EIF4E3: variants seen among roughly 807,000 people sequenced by gnomAD.
EIF4E3 encodes the protein eukaryotic translation initiation factor 4E family member 3, also known as eukaryotic translation initiation factor 4E type 3.
EIF4E3 carries 26 observed loss-of-function variants against 31.7 expected under a neutral mutation model. That is an observed-to-expected ratio of 0.82 (90% CI 0.60 to 1.14). EIF4E3 has a LOEUF of 1.14. Among genes scored for constraint, EIF4E3 ranks in the 50% most tolerant of loss-of-function variants. EIF4E3 has a pLI of 0.00. For synonymous variants in EIF4E3, 128 were observed against 107.7 expected (o/e 1.19, Z -1.17); for missense variants, 304 against 270.9 (o/e 1.12, Z -0.86).
intron 6 of EIF4E3, among the ~76,000 whole-genome samples, chr3:71,688,796 G>A (rs1389920995): frequency 6.6e-6 from 1 of 152,076 alleles, no homozygotes; most frequent in Non-Finnish European, 1.5e-5. Context: ...TCTACACCAC[G>A]CAGCCAATAA....
intron 3 of EIF4E3, among the ~76,000 whole-genome samples, chr3:71,697,013 C>T (rs1404894042): frequency 2.7e-5 from 4 of 148,496 alleles, no homozygotes; most frequent in Admixed American, 1.3e-4. Flanking sequence ...CCACCGCACC[C>T]GGCCCCTGAA....
intron 2 of EIF4E3, among the ~76,000 whole-genome samples, chr3:71,700,612 T>A (rs1366670933): frequency 1.2e-4 from 15 of 127,336 alleles, no homozygotes; most frequent in African/African-American, 2.7e-4. Context: ...AGACTCCGTT[T>A]AAAAAAAAAA....
Position 71,710,414 on chromosome 3 carries a change from G to C in EIF4E3, c.247C>G (p.Gln83Glu). 6.4e-7 allele frequency: 1 copy of C among 1,552,040 alleles called. No homozygotes were observed. Among genetic ancestry groups the C allele is most frequent in the Non-Finnish European group, 8.7e-7 (1 of 1,147,048 alleles). The change falls in exon 2 of 7, where the codon CAG (glutamine) becomes GAG (glutamate). Residue 83 changes from glutamine to glutamate, a missense_variant and splice_region_variant. By Grantham distance (29) the Gln-to-Glu change is conservative. Transcript: ENST00000425534. ...GTTAGTCCCTCTCTTGATCTTACCT[G>C]TACTGTCTGTACTGTGTAGATTTTC... ...LKKIYTVQTV[Q>E]IFWSVYNNIP... is the part of the protein sequence containing the mutation.
intron 1 of EIF4E3, among the ~76,000 whole-genome samples, chr3:71,734,101 A>G (rs2049736514): frequency 6.6e-6 from 1 of 152,214 alleles, no homozygotes; most frequent in South Asian, 2.1e-4. Flanking sequence ...GTTACATATT[A>G]TCTACATAAT....
rs570334311 is a variant in EIF4E3, at chr3:71,719,340, A to C, written c.176+5852T>G. On this transcript the variant is annotated intron_variant, in intron 1 of 6. Transcript: ENST00000425534. ...TTTGGATTTCTATGGCATTTGTTACAAATCTACCTTTCACCACAGAGGTCT... is the reference window on the plus strand; with the variant it reads ...TTTGGATTTCTATGGCATTTGTTACCAATCTACCTTTCACCACAGAGGTCT... Among the ~76,000 whole-genome samples, 4 of 152,312 alleles carry C rather than the reference A, an allele frequency of 2.6e-5. No homozygotes were observed. In the South Asian group the frequency reaches 8.3e-4, roughly 32 times the overall value.
At chr3:71,662,429 T>G in the EIF4E3 span, among the ~76,000 whole-genome samples, 14 of 152,372 alleles carry the variant, frequency 9.2e-5, no homozygotes, top group South Asian at 2.9e-3. Context: ...AAACACATTT[T>G]GTAAACTCTT....
chr3:71,696,581 G>A (rs2108039004), intron 3 of EIF4E3, 61 bp from the exon 4 acceptor site: 2 of 1,570,038 alleles, frequency 1.3e-6, no homozygotes, highest in East Asian at 2.2e-5. Context: ...CATACAGTTA[G>A]ATTAAATATC....
rs1345484408 is a variant in EIF4E3, at chr3:71,680,813, T to C, written c.*3869A>G. ...AATCCTGAGTCACCAAACTCTTGAG[T>C]AATTTTAACTGATCTCAATATATTC... On this transcript the variant is annotated 3_prime_UTR_variant, in exon 7 of 7. Coordinates refer to ENST00000425534, the MANE Select transcript of EIF4E3 (RefSeq NM_001134651.2). 1 of 152,202 alleles carries C rather than the reference T, an allele frequency of 6.6e-6. No individual in the cohort carries two copies. The highest frequency in any genetic ancestry group is 1.5e-5 in the Non-Finnish European group (1 of 68,042). The allele number at this position is 152,202 out of a possible 1,614,324, so 9.4% of individuals were successfully genotyped here.
chr3:71,754,594 G>C, upstream of EIF4E3: 1 of 1,424,544 alleles, frequency 7.0e-7, no homozygotes, highest in Non-Finnish European at 9.2e-7. The surrounding 1 kb of genome is among the most constrained non-coding windows in gnomAD (Gnocchi z 5.8). Flanking sequence ...GGCGCCCCCG[G>C]CGCGCTGGGC....
At chr3:71,708,700 G>C (rs986025098) in intron 2 of EIF4E3, among the ~76,000 whole-genome samples, 3 of 152,106 alleles carry the variant, frequency 2.0e-5, no homozygotes, top group African/African-American at 4.8e-5. Context: ...ATGAGACTCT[G>C]AGAGCCTTTA....
At chr3:71,754,025 G>T, upstream of EIF4E3, 17 of 1,147,706 alleles carry the variant, frequency 1.5e-5, no homozygotes, top group South Asian at 3.0e-5. The surrounding 1 kb of genome is among the most constrained non-coding windows in gnomAD (Gnocchi z 5.8). Flanking sequence ...CCCCGGGGCG[G>T]AGCGCACGGC....
chr3:71,689,493 C>T (rs931668918), intron 6 of EIF4E3, among the ~76,000 whole-genome samples: 16 of 152,184 alleles, frequency 1.1e-4, no homozygotes, highest in African/African-American at 3.4e-4. Context: ...CACCACTAGG[C>T]GTGAATTCTC....
At chr3:71,670,240 C>T in the EIF4E3 span, among the ~76,000 whole-genome samples, 1 of 152,188 alleles carries the variant, frequency 6.6e-6, no homozygotes, top group African/African-American at 2.4e-5. Context: ...AACATGGTGG[C>T]TACATTTTCT....
chr3:71,749,378 T>C (rs72953252), intron 1 of EIF4E3, among the ~76,000 whole-genome samples: 2,510 of 152,192 alleles, frequency 0.016, 67 homozygotes, highest in African/African-American at 0.058. Flanking sequence ...CATGGGGAGG[T>C]CAACTTGAGT....
At chr3:71,747,587 G>GGT (rs934801355) in intron 1 of EIF4E3, among the ~76,000 whole-genome samples, 2 of 151,940 alleles carry the variant, frequency 1.3e-5, no homozygotes, top group African/African-American at 4.8e-5. Flanking sequence ...TTTTCTTGAT[G>GGT]GTGTCTATTG....
downstream of EIF4E3, among the ~76,000 whole-genome samples, chr3:71,672,414 A>C (rs754052181): frequency 7.2e-5 from 11 of 152,216 alleles, no homozygotes; most frequent in Non-Finnish European, 1.3e-4. Context: ...ACTTGGTTGC[A>C]GCTGAAATGT....
At chr3:71,720,581 C>G (rs2049532500) in intron 1 of EIF4E3, among the ~76,000 whole-genome samples, 1 of 152,110 alleles carries the variant, frequency 6.6e-6, no homozygotes, top group South Asian at 2.1e-4. Flanking sequence ...ATCCAGAATC[C>G]CTACTGTCTG....
intron 1 of EIF4E3, among the ~76,000 whole-genome samples, chr3:71,714,764 C>T (rs2049439707): frequency 1.3e-5 from 2 of 152,194 alleles, no homozygotes; most frequent in Admixed American, 1.3e-4. Flanking sequence ...TGAACTGCAG[C>T]TGTATCATCT....
At chr3:71,703,811 C>CAAAAAAAAAAAAAAA (rs370789059) in intron 2 of EIF4E3, among the ~76,000 whole-genome samples, 1 of 72,414 alleles carries the variant, frequency 1.4e-5, no homozygotes, top group Non-Finnish European at 2.6e-5. Context: ...AAACACACAT[C>CAAAAAAAAAAAAAAA]AAAAAAAAAA....
Sources: gnomAD v4.1 joint callset for allele counts (sites outside exome capture counted in the v4.1 genomes callset) on GRCh38, gnomAD v4.1.1 for gene constraint, Gnocchi (gnomAD v3.1) non-coding constraint, MANE v1.5 for transcripts, NCBI Gene and HGNC (gene_info 2026-07-23, HGNC 2026-07-21) for gene names.